The following NKAIN2 variants were observed in gnomAD, a reference collection of about 807,000 sequenced individuals.
NKAIN2 encodes sodium/potassium-transporting ATPase subunit beta-1-interacting protein 2.
NKAIN2 carries 14 observed loss-of-function variants against 32.6 expected under a neutral mutation model. That is an observed-to-expected ratio of 0.43 (90% CI 0.28 to 0.67). The LOEUF is 0.67. Among genes scored for constraint, NKAIN2 ranks in the 30% least tolerant of loss-of-function variants. The pLI is 0.17. For missense variants in NKAIN2, 198 were observed against 258.3 expected, an observed-to-expected ratio of 0.77 and a Z score of 1.60; for synonymous variants, 80 against 87.2, an observed-to-expected ratio of 0.92 and a Z score of 0.46.
rs150618331 is a variant in NKAIN2 at position 124,748,617 on chromosome 6, G to A, written c.475-42722G>A. On this transcript the variant is annotated intron_variant, in intron 4 of 6. Coordinates refer to ENST00000368417, the MANE Select transcript of NKAIN2 (RefSeq NM_001040214.3). ...CTTTTCAGACAAAACAAGATAAAATGCAATAAATAAACACGGAGGAAGTTA... is the reference window on the plus strand; with the variant it reads ...CTTTTCAGACAAAACAAGATAAAATACAATAAATAAACACGGAGGAAGTTA... Among the ~76,000 whole-genome samples, 1,111 of 152,000 alleles carry A rather than the reference G, an allele frequency of 7.3e-3. 22 individuals carry two copies. Among genetic ancestry groups the A allele is most frequent in the African/African-American group, 0.025 (1,056 of 41,510 alleles).
chr6:124,220,123 T>C (rs1001761318), intron 1 of NKAIN2, among the ~76,000 whole-genome samples: 4 of 152,130 alleles, frequency 2.6e-5, no homozygotes, highest in Non-Finnish European at 5.9e-5. Context: ...TATTAGATCA[T>C]GGGGGTGGCT....
chr6:124,554,263 A>G (rs1178977071), intron 3 of NKAIN2, among the ~76,000 whole-genome samples: 2 of 152,326 alleles, frequency 1.3e-5, no homozygotes, highest in East Asian at 3.9e-4. Flanking sequence ...ATGCTGCTTT[A>G]AATCAGACAT....
chr6:123,914,134 G>T (rs1268552092), intron 1 of NKAIN2, among the ~76,000 whole-genome samples: 1 of 152,112 alleles, frequency 6.6e-6, no homozygotes, highest in Non-Finnish European at 1.5e-5. Flanking sequence ...TACATGGTTA[G>T]TCTGGTGAGG....
At chr6:124,785,324 G>A (rs1779451100) in intron 4 of NKAIN2, among the ~76,000 whole-genome samples, 1 of 151,946 alleles carries the variant, frequency 6.6e-6, no homozygotes, top group Non-Finnish European at 1.5e-5. Flanking sequence ...ATTGCTTATT[G>A]GAGCATTTTT....
chr6:124,756,137 CATAA>C (rs1282073356), intron 4 of NKAIN2, among the ~76,000 whole-genome samples: 1 of 152,054 alleles, frequency 6.6e-6, no homozygotes, highest in African/African-American at 2.4e-5. Flanking sequence ...TATATTTTTA[CATAA>C]ATAAATAAAT....
At chr6:123,896,262 G>A (rs1388998957) in intron 1 of NKAIN2, among the ~76,000 whole-genome samples, 1 of 152,130 alleles carries the variant, frequency 6.6e-6, no homozygotes, top group Non-Finnish European at 1.5e-5. Context: ...ACAGAATCCT[G>A]TGACATAGGT....
intron 3 of NKAIN2, among the ~76,000 whole-genome samples, chr6:124,459,377 G>A (rs1045041216): frequency 1.3e-5 from 2 of 151,728 alleles, no homozygotes; most frequent in African/African-American, 4.8e-5. Flanking sequence ...ATTAAAATGT[G>A]ACATGATATC....
At chr6:124,753,614 A>C (rs557248001) in intron 4 of NKAIN2, among the ~76,000 whole-genome samples, 1 of 152,198 alleles carries the variant, frequency 6.6e-6, no homozygotes, top group South Asian at 2.1e-4. Context: ...GCAGTTGCTC[A>C]AAGAAAGGAA....
At chr6:124,417,464 ATAT>A (rs1291089576) in intron 3 of NKAIN2, among the ~76,000 whole-genome samples, 1 of 149,756 alleles carries the variant, frequency 6.7e-6, no homozygotes, top group Non-Finnish European at 1.5e-5. Context: ...ATATTTACAC[ATAT>A]TATCATTTTC....
intron 1 of NKAIN2, among the ~76,000 whole-genome samples, chr6:123,889,481 C>T (rs1773895576): frequency 6.6e-6 from 1 of 152,048 alleles, no homozygotes; most frequent in Admixed American, 6.6e-5. Context: ...TCATTTGCTA[C>T]TGGTGACATG....
At chr6:124,771,202 T>C (rs917709357) in intron 4 of NKAIN2, among the ~76,000 whole-genome samples, 4 of 152,282 alleles carry the variant, frequency 2.6e-5, no homozygotes, top group African/African-American at 9.6e-5. Context: ...ACCTTTGAAG[T>C]AGAACAAAAA....
chr6:124,124,876 C>T (rs1786083460), intron 1 of NKAIN2, among the ~76,000 whole-genome samples: 1 of 152,130 alleles, frequency 6.6e-6, no homozygotes, highest in Admixed American at 6.6e-5. Flanking sequence ...ATCGCCTTTT[C>T]CTCTATGTAC....
intron 3 of NKAIN2, among the ~76,000 whole-genome samples, chr6:124,387,292 AG>A (rs1481823759): frequency 3.9e-5 from 4 of 101,836 alleles, no homozygotes; most frequent in South Asian, 3.5e-4. Context: ...ACCTAATTAA[AG>A]GTTTTTTTTT....
chr6:124,767,949 T>C (rs1315301380), intron 4 of NKAIN2, among the ~76,000 whole-genome samples: 1 of 152,202 alleles, frequency 6.6e-6, no homozygotes, highest in Non-Finnish European at 1.5e-5. Flanking sequence ...TCCCAACATA[T>C]TTACCTGACT....
intron 3 of NKAIN2, among the ~76,000 whole-genome samples, chr6:124,386,675 G>C (rs1393199496): frequency 6.6e-6 from 1 of 152,104 alleles, no homozygotes; most frequent in Non-Finnish European, 1.5e-5. Context: ...AGATGTCTGT[G>C]GTGTTGGCTT....
intron 3 of NKAIN2, among the ~76,000 whole-genome samples, chr6:124,536,832 T>C (rs1779734254): frequency 1.3e-5 from 2 of 151,976 alleles, no homozygotes; most frequent in Admixed American, 1.3e-4. Context: ...AACAAACAAA[T>C]AAACAATAAG....
intron 1 of NKAIN2, among the ~76,000 whole-genome samples, chr6:123,851,541 A>T (rs1241683150): frequency 6.6e-6 from 1 of 151,982 alleles, no homozygotes; most frequent in Admixed American, 6.6e-5. Context: ...ATGAGCCACC[A>T]CGCCCAGCTG....
intron 1 of NKAIN2, among the ~76,000 whole-genome samples, chr6:123,849,921 A>G (rs1470581348): frequency 6.8e-6 from 1 of 146,140 alleles, no homozygotes; most frequent in African/African-American, 2.5e-5. Flanking sequence ...TTTTTTTGAG[A>G]CATGGTTTCA....
chr6:124,320,890 G>A (rs1797150240), intron 2 of NKAIN2, among the ~76,000 whole-genome samples: 1 of 152,102 alleles, frequency 6.6e-6, no homozygotes, highest in African/African-American at 2.4e-5. Context: ...TTAAAACCAA[G>A]GATGAGAAAT....
Sources: allele counts gnomAD v4.1 joint callset (sites outside exome capture counted in the v4.1 genomes callset), GRCh38; gene constraint gnomAD v4.1.1; transcripts MANE v1.5; gene names NCBI Gene and HGNC (gene_info 2026-07-23, HGNC 2026-07-21).